The following DPP10 variants were observed in gnomAD, a reference collection of about 807,000 sequenced individuals.
DPP10 encodes dipeptidyl peptidase like 10, also known as inactive dipeptidyl peptidase 10.
Under a neutral mutation model 120.9 loss-of-function variants are expected in DPP10, and 33 were observed. The observed-to-expected ratio is 0.27, with a 90% CI of 0.21 to 0.37. The LOEUF is 0.37. DPP10 is among the 10% of genes least tolerant of loss of function. The pLI, the probability that DPP10 is intolerant of heterozygous loss-of-function variation, is 1.00. For missense variants in DPP10, 816 were observed against 942.8 expected, an observed-to-expected ratio of 0.87 and a Z score of 1.76; for synonymous variants, 337 against 326.1, an observed-to-expected ratio of 1.03 and a Z score of -0.36.
intron 3 of DPP10, among the ~76,000 whole-genome samples, chr2:115,397,395 C>T (rs1042192970): frequency 4.6e-5 from 7 of 152,024 alleles, no homozygotes; most frequent in Non-Finnish European, 2.9e-5. Flanking sequence ...AATTCAAGCA[C>T]TCATTGATAA....
intron 1 of DPP10, among the ~76,000 whole-genome samples, chr2:114,538,245 G>T (rs900994602): frequency 5.3e-5 from 8 of 152,206 alleles, no homozygotes; most frequent in Non-Finnish European, 1.0e-4. Flanking sequence ...GGATGTGTTT[G>T]CTCTGCTTGA....
chr2:114,460,218 T>TATC (rs1463149654), intron 1 of DPP10, among the ~76,000 whole-genome samples: 2 of 130,398 alleles, frequency 1.5e-5, no homozygotes, highest in Non-Finnish European at 3.4e-5. Context: ...TCTATCTATC[T>TATC]ATCTATTCTA....
chr2:114,509,036 AAGAG>A (rs748526460), intron 1 of DPP10, among the ~76,000 whole-genome samples: 7 of 151,510 alleles, frequency 4.6e-5, no homozygotes, highest in Non-Finnish European at 1.0e-4. Context: ...GAGAGAGAGA[AAGAG>A]AGAGAGAGTG....
At chr2:115,636,824 G>A (rs1264542234) in intron 5 of DPP10, among the ~76,000 whole-genome samples, 1 of 152,018 alleles carries the variant, frequency 6.6e-6, no homozygotes, top group Non-Finnish European at 1.5e-5. Context: ...CTTAAACAGG[G>A]AGTCAGACTT....
chr2:114,758,834 A>G (rs1045442794), intron 1 of DPP10, among the ~76,000 whole-genome samples: 3 of 152,230 alleles, frequency 2.0e-5, no homozygotes, highest in Non-Finnish European at 4.4e-5. Context: ...AAAAAGGGTC[A>G]GAAAATAAGG....
In DPP10 at chr2:114,935,344, A is replaced by T. The variant is rs2104526224; in HGVS notation, c.61-373895A>T. Among the ~76,000 whole-genome samples, 3 of 151,998 alleles carry T rather than the reference A, an allele frequency of 2.0e-5. No individual in the cohort carries two copies. In the South Asian group the frequency reaches 6.2e-4, roughly 32 times the overall value. On this transcript the variant is annotated intron_variant, in intron 1 of 25. Coordinates refer to ENST00000410059, the MANE Select transcript of DPP10 (RefSeq NM_020868.6). ...GCCCTTATTTTTACTGAAGCCTCTT[A>T]CCTCCACTTTAGTCCAAAGTCGGAA... is the stretch of plus-strand genomic sequence containing the variant.
chr2:114,768,994 G>A (rs1353042587), intron 1 of DPP10, among the ~76,000 whole-genome samples: 1 of 152,094 alleles, frequency 6.6e-6, no homozygotes, highest in Non-Finnish European at 1.5e-5. Flanking sequence ...GGGCAATGGG[G>A]AACCTCTTAC....
At chr2:114,574,173 T>C (rs954685975) in intron 1 of DPP10, among the ~76,000 whole-genome samples, 9 of 152,174 alleles carry the variant, frequency 5.9e-5, no homozygotes, top group Admixed American at 5.9e-4. Context: ...TTTACCACTT[T>C]ATATTACCCG....
intron 1 of DPP10, among the ~76,000 whole-genome samples, chr2:114,805,430 A>G (rs938374000): frequency 3.9e-5 from 6 of 152,098 alleles, no homozygotes; most frequent in Non-Finnish European, 8.8e-5. Context: ...GGGGCAATGG[A>G]GGAGGTTTGG....
At chr2:115,525,374 C>T (rs1459846725) in intron 4 of DPP10, among the ~76,000 whole-genome samples, 1 of 152,114 alleles carries the variant, frequency 6.6e-6, no homozygotes. Context: ...TTTTGTTTGA[C>T]ATCAAATGCA....
intron 1 of DPP10, among the ~76,000 whole-genome samples, chr2:115,015,023 C>G (rs1241251697): frequency 6.6e-6 from 1 of 152,024 alleles, no homozygotes; most frequent in Non-Finnish European, 1.5e-5. Context: ...CATCCTGATA[C>G]CAAAAACTAG....
intron 5 of DPP10, among the ~76,000 whole-genome samples, chr2:115,600,180 A>C (rs539905538): frequency 1.3e-4 from 20 of 152,144 alleles, no homozygotes; most frequent in African/African-American, 4.6e-4. Context: ...TGCTGCCCCA[A>C]GTTTTGATTC....
intron 3 of DPP10, among the ~76,000 whole-genome samples, chr2:115,392,760 T>C (rs2067405846): frequency 6.6e-6 from 1 of 152,168 alleles, no homozygotes; most frequent in South Asian, 2.1e-4. Flanking sequence ...ATAAATGCAT[T>C]GTTTTAGACA....
chr2:115,564,294 ACTGT>A (rs1558856498), intron 5 of DPP10, among the ~76,000 whole-genome samples: 4 of 143,498 alleles, frequency 2.8e-5, no homozygotes, highest in Middle Eastern at 3.9e-3. Context: ...TTTTATCCTG[ACTGT>A]CTGCATCCTA....
intron 1 of DPP10, among the ~76,000 whole-genome samples, chr2:114,856,180 G>A (rs966492475): frequency 1.3e-5 from 2 of 152,100 alleles, no homozygotes; most frequent in African/African-American, 2.4e-5. Context: ...TTATCAGTGT[G>A]ATAAAAATTA....
At chr2:114,903,935 G>A (rs1440913026) in intron 1 of DPP10, among the ~76,000 whole-genome samples, 1 of 152,184 alleles carries the variant, frequency 6.6e-6, no homozygotes, top group Non-Finnish European at 1.5e-5. Flanking sequence ...CCACCTTTAA[G>A]AGCAGGAAGA....
chr2:115,819,557 G>T lies in DPP10; in HGVS notation c.1950+3828G>T, dbSNP rs928801458. ...GTTCAGTGAACTGTATTTTCTGGCT[G>T]GTTGTTCTCTATTTATCTTTGATTT... is the stretch of plus-strand genomic sequence containing the variant. On this transcript the variant is annotated intron_variant, in intron 21 of 25. Transcript: ENST00000410059. 4.0e-4 allele frequency among the ~76,000 whole-genome samples: 61 copies of T among 151,680 alleles called. 2 individuals are homozygous for T. Among genetic ancestry groups the T allele is most frequent in the South Asian group, 2.1e-4 (1 of 4,794 alleles).
At chr2:115,433,286 G>A (rs2071176584) in intron 3 of DPP10, among the ~76,000 whole-genome samples, 2 of 152,008 alleles carry the variant, frequency 1.3e-5, no homozygotes, top group African/African-American at 4.8e-5. Flanking sequence ...TATGGATTGT[G>A]ATTTAGGTGG....
intron 2 of DPP10, among the ~76,000 whole-genome samples, chr2:115,311,136 A>G (rs2061558681): frequency 6.6e-6 from 1 of 152,216 alleles, no homozygotes; most frequent in African/African-American, 2.4e-5. Context: ...TAAAGCAAGA[A>G]CAAGCGTGAC....
Sources: gnomAD v4.1 joint callset for allele counts (sites outside exome capture counted in the v4.1 genomes callset) on GRCh38, gnomAD v4.1.1 for gene constraint, MANE v1.5 for transcripts, NCBI Gene and HGNC (gene_info 2026-07-23, HGNC 2026-07-21) for gene names.